TMEM131L: variants seen among roughly 807,000 people sequenced by gnomAD.
TMEM131L encodes the protein transmembrane 131 like, also known as transmembrane protein 131-like.
TMEM131L carries 54 observed loss-of-function variants against 192.2 expected under a neutral mutation model. The ratio of observed to expected loss-of-function variants is 0.28; its 90% CI spans 0.23 to 0.35. The LOEUF (loss-of-function observed/expected upper bound fraction) is 0.35, where lower values mean the gene tolerates loss of function less well. Among genes scored for constraint, TMEM131L ranks in the 10% least tolerant of loss-of-function variants. The pLI is 1.00. For synonymous variants in TMEM131L, 701 were observed against 704.9 expected (o/e 0.99, Z 0.09); for missense variants, 1,888 against 1,972.9 (o/e 0.96, Z 0.82).
At chr4:153,518,116 G>A (rs1283723404) in intron 3 of TMEM131L, among the ~76,000 whole-genome samples, 1 of 152,160 alleles carries the variant, frequency 6.6e-6, no homozygotes, top group East Asian at 1.9e-4. Flanking sequence ...GACAATGGGA[G>A]TGAACATGCC....
chr4:153,588,619 T>TTCAGGC (rs1730860569), intron 15 of TMEM131L, among the ~76,000 whole-genome samples: 2 of 152,122 alleles, frequency 1.3e-5, no homozygotes, highest in Admixed American at 1.3e-4. Context: ...ATAATTTTGT[T>TTCAGGC]TCAGGCTGTA....
chr4:153,480,839 T>G (rs1731891541), intron 3 of TMEM131L, among the ~76,000 whole-genome samples: 1 of 152,218 alleles, frequency 6.6e-6, no homozygotes, highest in Non-Finnish European at 1.5e-5. Context: ...AATTACTGTG[T>G]CCTGAACTGA....
intron 32 of TMEM131L, 65 bp downstream of exon 32, chr4:153,632,903 T>C (rs765311660): frequency 5.0e-6 from 8 of 1,586,634 alleles, no homozygotes; most frequent in Non-Finnish European, 6.0e-6. Context: ...GAATTTGAGT[T>C]CAGTTTCTTA....
intron 24 of TMEM131L, 131 bp downstream of exon 24, chr4:153,603,583 T>A: frequency 9.2e-7 from 1 of 1,092,456 alleles, no homozygotes; most frequent in Non-Finnish European, 1.3e-6. Context: ...TAAGTCATTA[T>A]GTGAACAGCT....
In TMEM131L at chr4:153,593,876, G is replaced by C. The variant is rs745844343; in HGVS notation, c.1995+5G>C. 3.2e-5 allele frequency: 51 copies of C among 1,601,280 alleles called. No individual in the cohort carries two copies. Among genetic ancestry groups the C allele is most frequent in the Non-Finnish European group, 4.4e-5 (51 of 1,168,590 alleles). On this transcript the variant is annotated splice_donor_5th_base_variant and intron_variant, in intron 19 of 34. Transcript: ENST00000409959. ...ACCGAAGCTTGCCCTTACCTGGTAG[G>C]ATGTTATCCTAAAACAGAAAAAAGA... is the stretch of plus-strand genomic sequence containing the variant.
At chr4:153,539,082 G>GGAAAGAAACAGT (rs1736564616) in intron 3 of TMEM131L, among the ~76,000 whole-genome samples, 1 of 152,102 alleles carries the variant, frequency 6.6e-6, no homozygotes, top group Non-Finnish European at 1.5e-5. Flanking sequence ...CAGAACCTTG[G>GGAAAGAAACAGT]GAAAGAAACA....
chr4:153,496,357 C>T (rs185278816), intron 3 of TMEM131L, among the ~76,000 whole-genome samples: 50 of 152,212 alleles, frequency 3.3e-4, no homozygotes, highest in African/African-American at 1.1e-3. Context: ...AACGGGGAGG[C>T]CCACTGAGGC....
chr4:153,590,648 A>T (rs912305362), intron 16 of TMEM131L, among the ~76,000 whole-genome samples: 4 of 152,124 alleles, frequency 2.6e-5, no homozygotes, highest in African/African-American at 9.7e-5. Flanking sequence ...TATTTTGTTC[A>T]TTCTACATTT....
In TMEM131L at chr4:153,581,317, C is replaced by T. The variant is rs538990116; in HGVS notation, c.739-90C>T. 3.6e-5 allele frequency: 37 copies of T among 1,022,722 alleles called. 1 individual carries two copies. Among genetic ancestry groups the T allele is most frequent in the South Asian group, 9.2e-5 (5 of 54,194 alleles). The allele number at this position is 1,022,722 out of a possible 1,614,324, so 63.4% of individuals were successfully genotyped here. A position where few individuals can be genotyped will look rare whatever the true frequency, so the allele number is the denominator to read the frequency against. The stretch of plus-strand genomic sequence containing the variant: ...TTCTGTTCTCACACACGTCCCATTA[C>T]GTTAAATGCTTCTCCTTTCCTCCAT... On this transcript the variant is annotated intron_variant, in intron 8 of 34. Coordinates refer to ENST00000409959, the MANE Select transcript of TMEM131L (RefSeq NM_001131007.2).
chr4:153,553,069 G>T (rs537952081), intron 4 of TMEM131L, among the ~76,000 whole-genome samples: 13 of 151,916 alleles, frequency 8.6e-5, no homozygotes, highest in African/African-American at 2.7e-4. Context: ...CCTAATAGTC[G>T]CATGCTGAGA....
intron 7 of TMEM131L, among the ~76,000 whole-genome samples, chr4:153,561,389 CAA>C (rs1728837975): frequency 1.3e-5 from 2 of 152,172 alleles, no homozygotes; most frequent in Non-Finnish European, 2.9e-5. Flanking sequence ...TTGATGAAGT[CAA>C]GTTTTTCTGT....
intron 33 of TMEM131L, among the ~76,000 whole-genome samples, chr4:153,634,664 C>T (rs1006877091): frequency 1.3e-5 from 2 of 152,140 alleles, no homozygotes; most frequent in Non-Finnish European, 2.9e-5. Flanking sequence ...GAAACATTGG[C>T]CTGCTTCCTA....
At chr4:153,627,719 G>A in intron 31 of TMEM131L, 32 bp downstream of exon 31, 1 of 1,557,432 alleles carries the variant, frequency 6.4e-7, no homozygotes, top group Non-Finnish European at 8.9e-7. Flanking sequence ...GCAGACATCA[G>A]CCAAGGGTTC....
At chr4:153,476,786 A>G (rs905421285) in intron 3 of TMEM131L, among the ~76,000 whole-genome samples, 5 of 152,196 alleles carry the variant, frequency 3.3e-5, no homozygotes, top group Non-Finnish European at 7.3e-5. Context: ...AACATAAAAT[A>G]TCCAGCCATG....
intron 26 of TMEM131L, among the ~76,000 whole-genome samples, chr4:153,618,079 G>A (rs76981597): frequency 0.017 from 2,542 of 152,106 alleles, 70 homozygotes; most frequent in African/African-American, 0.058. Flanking sequence ...CACAGTGAGT[G>A]GCTTTAAGAA....
At chr4:153,533,286 C>T (rs541898834) in intron 3 of TMEM131L, among the ~76,000 whole-genome samples, 1 of 152,072 alleles carries the variant, frequency 6.6e-6, no homozygotes, top group African/African-American at 2.4e-5. Context: ...CACCCAGCCT[C>T]CTTCTTAATT....
At chr4:153,627,960 C>T (rs922988765) in intron 31 of TMEM131L, among the ~76,000 whole-genome samples, 23 of 152,226 alleles carry the variant, frequency 1.5e-4, no homozygotes, top group African/African-American at 5.5e-4. Context: ...TCCCAGGCCC[C>T]TCACAGCAGA....
At chr4:153,521,612 C>T (rs1404360530) in intron 3 of TMEM131L, among the ~76,000 whole-genome samples, 2 of 152,136 alleles carry the variant, frequency 1.3e-5, no homozygotes, top group African/African-American at 4.8e-5. Context: ...GCAACTATCG[C>T]CACCATCCGT....
Position 153,603,347 on chromosome 4 carries a change from A to G in TMEM131L, c.2684A>G (p.Gln895Arg), listed in dbSNP as rs773753227. 3 of 1,613,884 alleles carry G rather than the reference A, an allele frequency of 1.9e-6. No homozygotes were observed. Residue 895 changes from glutamine (Q) to arginine (R), a missense_variant, in exon 24 of 35, where the codon CAG becomes CGG. Coordinates refer to ENST00000409959, the MANE Select transcript of TMEM131L (RefSeq NM_001131007.2). ...ATTTTAATAGCCTTCCAACAAGCAC[A>G]GTACATTCTCATGGAATTCATGAAA... The part of the protein sequence containing the change: ...GVILIAFQQA[Q>R]YILMEFMKTR...
Sources: allele counts gnomAD v4.1 joint callset (sites outside exome capture counted in the v4.1 genomes callset), GRCh38; gene constraint gnomAD v4.1.1; transcripts MANE v1.5; gene names NCBI Gene and HGNC (gene_info 2026-07-23, HGNC 2026-07-21).